Variants in EXOC6B observed in about 807,000 individuals in gnomAD.
EXOC6B encodes exocyst complex component 6B, also known as SEC15 homolog B.
EXOC6B carries 54 observed loss-of-function variants against 113.5 expected under a neutral mutation model. The ratio of observed to expected loss-of-function variants is 0.48; its 90% CI spans 0.38 to 0.60. The LOEUF (loss-of-function observed/expected upper bound fraction) is 0.60, where lower values mean the gene tolerates loss of function less well. EXOC6B is among the 20% of genes least tolerant of loss of function. The pLI, the probability that EXOC6B is intolerant of heterozygous loss-of-function variation, is 0.00. For missense variants in EXOC6B, 797 were observed against 977.5 expected (o/e 0.82, Z 2.46); for synonymous variants, 357 against 339.0 (o/e 1.05, Z -0.58).
At chr2:72,372,802 C>A (rs1003337017) in intron 19 of EXOC6B, among the ~76,000 whole-genome samples, 1 of 151,880 alleles carries the variant, frequency 6.6e-6, no homozygotes, top group African/African-American at 2.4e-5. Flanking sequence ...CAAGACTGCA[C>A]CATTGCACTC....
intron 6 of EXOC6B, among the ~76,000 whole-genome samples, chr2:72,629,671 C>T (rs544587748): frequency 2.6e-5 from 4 of 152,282 alleles, no homozygotes; most frequent in East Asian, 1.9e-4. Flanking sequence ...GTCTGTTGAT[C>T]GGTCTTTTTA....
intron 11 of EXOC6B, among the ~76,000 whole-genome samples, chr2:72,508,324 T>C (rs1370912265): frequency 6.6e-6 from 1 of 152,128 alleles, no homozygotes; most frequent in Non-Finnish European, 1.5e-5. Flanking sequence ...ATCTACAGAT[T>C]TACTGCACAA....
intron 6 of EXOC6B, among the ~76,000 whole-genome samples, chr2:72,629,045 C>T (rs1280930053): frequency 6.6e-6 from 1 of 152,106 alleles, no homozygotes; most frequent in Non-Finnish European, 1.5e-5. Context: ...AAATATGAAG[C>T]CATTTTGATG....
chr2:72,509,579 G>A (rs776495774), intron 11 of EXOC6B, among the ~76,000 whole-genome samples: 5 of 151,746 alleles, frequency 3.3e-5, no homozygotes, highest in Non-Finnish European at 7.4e-5. Flanking sequence ...ACTCAAAAAC[G>A]TTAAAACTTT....
chr2:72,720,782 A>G (rs1478812877), intron 5 of EXOC6B, among the ~76,000 whole-genome samples: 1 of 151,908 alleles, frequency 6.6e-6, no homozygotes, highest in African/African-American at 2.4e-5. Flanking sequence ...AAGGAAACAC[A>G]AAAGAGCTGA....
chr2:72,516,991 A>T (rs1701245592), intron 8 of EXOC6B, among the ~76,000 whole-genome samples: 1 of 152,234 alleles, frequency 6.6e-6, no homozygotes, highest in Non-Finnish European at 1.5e-5. Context: ...ACTTTATTCA[A>T]GATGATTTAT....
chr2:72,536,079 G>A (rs115968085), intron 8 of EXOC6B, among the ~76,000 whole-genome samples: 2,805 of 152,088 alleles, frequency 0.018, 107 homozygotes, highest in African/African-American at 0.064. Flanking sequence ...ACATATAAAG[G>A]ATTGATTTTA....
intron 20 of EXOC6B, among the ~76,000 whole-genome samples, chr2:72,233,593 G>T (rs535719084): frequency 2.7e-4 from 41 of 152,294 alleles, no homozygotes; most frequent in African/African-American, 9.6e-4. Context: ...TGGATATTCT[G>T]TGGGGGCAAC....
intron 20 of EXOC6B, among the ~76,000 whole-genome samples, chr2:72,243,797 A>C (rs992335915): frequency 3.9e-5 from 6 of 152,210 alleles, no homozygotes; most frequent in African/African-American, 1.4e-4. Context: ...GAAAATTATC[A>C]GGGATAAAGA....
At chr2:72,618,024 T>C (rs1671509809) in intron 6 of EXOC6B, among the ~76,000 whole-genome samples, 1 of 152,126 alleles carries the variant, frequency 6.6e-6, no homozygotes, top group Non-Finnish European at 1.5e-5. Context: ...TGGGGACTGA[T>C]AATGTTGAAA....
intron 6 of EXOC6B, among the ~76,000 whole-genome samples, chr2:72,631,426 G>GTA (rs376088377): frequency 9.6e-3 from 270 of 28,072 alleles, no homozygotes; most frequent in Non-Finnish European, 0.012. Flanking sequence ...GTGTGTGTGT[G>GTA]TATATATATA....
Position 72,179,260 on chromosome 2 carries a change from A to G in EXOC6B, c.*75T>C, listed in dbSNP as rs1260752568. The G allele has an allele frequency of 2.1e-6, 3 of 1,455,028 alleles. No homozygotes were observed. In the African/African-American group the frequency reaches 4.3e-5, roughly 21 times the overall value. The allele number at this position is 1,455,028 out of a possible 1,614,324, so 90.1% of individuals were successfully genotyped here. A position where few individuals can be genotyped will look rare whatever the true frequency, so the allele number is the denominator to read the frequency against. On this transcript the variant is annotated 3_prime_UTR_variant, in exon 22 of 22. Transcript: ENST00000272427. ...TCTTTGAAGAAGAATGCACAAATGC[A>G]GGGTCAGCTGGGGCTGGACCCCAGA...
chr2:72,692,454 C>A (rs1381401574), intron 6 of EXOC6B, among the ~76,000 whole-genome samples: 2 of 151,432 alleles, frequency 1.3e-5, no homozygotes, highest in Non-Finnish European at 2.9e-5. Flanking sequence ...CGGGTTCATG[C>A]CATTCTCCTG....
At chr2:72,443,889 A>G (rs1696392946) in intron 18 of EXOC6B, among the ~76,000 whole-genome samples, 1 of 152,114 alleles carries the variant, frequency 6.6e-6, no homozygotes, top group Admixed American at 6.5e-5. Flanking sequence ...GCCAAACCAT[A>G]TCATTCTGCC....
chr2:72,280,112 T>A (rs1685043456), intron 20 of EXOC6B, among the ~76,000 whole-genome samples: 1 of 152,198 alleles, frequency 6.6e-6, no homozygotes, highest in African/African-American at 2.4e-5. Context: ...TGTAGGGCCT[T>A]AGTCATTACA....
At chr2:72,529,940 C>A (rs924229916) in intron 8 of EXOC6B, among the ~76,000 whole-genome samples, 1 of 152,110 alleles carries the variant, frequency 6.6e-6, no homozygotes, top group Non-Finnish European at 1.5e-5. Flanking sequence ...CTCTTATTAT[C>A]CTTTCCATAT....
chr2:72,430,131 T>G (rs912740332), intron 18 of EXOC6B, among the ~76,000 whole-genome samples: 1 of 152,184 alleles, frequency 6.6e-6, no homozygotes, highest in Non-Finnish European at 1.5e-5. Flanking sequence ...ACAAGAAATC[T>G]GAGAAGACTA....
rs13389007 is a variant in EXOC6B at position 72,228,835 on chromosome 2, C to G, written c.2197-44648G>C. Among the ~76,000 whole-genome samples, 606 of 152,182 alleles carry G rather than the reference C, an allele frequency of 4.0e-3. 5 individuals are homozygous for G. The highest frequency in any genetic ancestry group is 0.014 in the African/African-American group (573 of 41,514). On this transcript the variant is annotated intron_variant, in intron 20 of 21. Transcript: ENST00000272427. ...TTCTAGTTCTAGATCCCTGAGGAAT[C>G]GCCACACTGACTTCCACAATGGTTG...
rs576261098 is a variant in EXOC6B, at chr2:72,428,345, G to A, written c.1980+36815C>T. Among the ~76,000 whole-genome samples the A allele has an allele frequency of 5.3e-5, 8 of 152,288 alleles. No homozygotes were observed. The Middle Eastern group carries it at 0.014, about 259-fold the overall frequency. On this transcript the variant is annotated intron_variant, in intron 18 of 21. Transcript: ENST00000272427. ...AGCCAGGGTGGTGATTCCCTCTTTG[G>A]GGCCCTGTGTTTCATGGCATCTACA...
Sources: gnomAD v4.1 joint callset for allele counts (sites outside exome capture counted in the v4.1 genomes callset) on GRCh38, gnomAD v4.1.1 for gene constraint, MANE v1.5 for transcripts, NCBI Gene and HGNC (gene_info 2026-07-23, HGNC 2026-07-21) for gene names.